The following TBC1D5 variants were observed in gnomAD, a reference collection of about 807,000 sequenced individuals.
The protein encoded by TBC1D5 is TBC1 domain family, member 5.
Under a neutral mutation model 100.3 loss-of-function variants are expected in TBC1D5, and 75 were observed. That is an observed-to-expected ratio of 0.75 (90% CI 0.62 to 0.91). The LOEUF (loss-of-function observed/expected upper bound fraction) is 0.91. Ranked by LOEUF, TBC1D5 falls within the 40% of genes least tolerant of loss-of-function variation. The pLI, the probability that TBC1D5 is intolerant of heterozygous loss-of-function variation, is 0.00. For missense variants in TBC1D5, 910 were observed against 942.4 expected (o/e 0.97, Z 0.45); for synonymous variants, 323 against 325.6 (o/e 0.99, Z 0.09).
chr3:17,591,001 A>G (rs1349626709), intron 2 of TBC1D5, among the ~76,000 whole-genome samples: 2 of 152,028 alleles, frequency 1.3e-5, no homozygotes, highest in African/African-American at 4.8e-5. Context: ...TCACTTTGGA[A>G]GGCTGAGACA....
At chr3:17,482,528 G>A (rs570747581) in intron 3 of TBC1D5, among the ~76,000 whole-genome samples, 1 of 152,208 alleles carries the variant, frequency 6.6e-6, no homozygotes, top group South Asian at 2.1e-4. Flanking sequence ...TTTCATGAAA[G>A]GAAATTCATA....
intron 3 of TBC1D5, among the ~76,000 whole-genome samples, chr3:17,450,405 G>A (rs1292622838): frequency 1.3e-5 from 2 of 152,146 alleles, no homozygotes; most frequent in Admixed American, 1.3e-4. Context: ...ACAGAAGTAG[G>A]CTTCAGAAGG....
intron 1 of TBC1D5, among the ~76,000 whole-genome samples, chr3:17,730,860 A>G (rs2076495174): frequency 6.6e-6 from 1 of 152,216 alleles, no homozygotes; most frequent in Non-Finnish European, 1.5e-5. Context: ...TGGCACTCAC[A>G]GAGCAGTCAA....
intron 8 of TBC1D5, among the ~76,000 whole-genome samples, chr3:17,389,677 C>T (rs1179531553): frequency 1.3e-5 from 2 of 152,120 alleles, no homozygotes. Flanking sequence ...CCATGTGCAA[C>T]AGAGATGAGC....
At chr3:17,237,849 T>C (rs2075981366) in intron 17 of TBC1D5, among the ~76,000 whole-genome samples, 1 of 152,198 alleles carries the variant, frequency 6.6e-6, no homozygotes. Flanking sequence ...GAAGCATTAC[T>C]ATACAAAGTT....
chr3:17,533,224 T>A (rs1278522217), intron 2 of TBC1D5, among the ~76,000 whole-genome samples: 1 of 152,184 alleles, frequency 6.6e-6, no homozygotes, highest in Non-Finnish European at 1.5e-5. Flanking sequence ...AATTAAAAGA[T>A]AAACTATTTA....
intron 4 of TBC1D5, among the ~76,000 whole-genome samples, chr3:17,423,518 G>C (rs981924524): frequency 2.6e-4 from 40 of 152,012 alleles, no homozygotes; most frequent in Admixed American, 4.6e-4. Flanking sequence ...TCAGCTTATT[G>C]GCTATGACTT....
At chr3:17,591,268 AAAAAC>A (rs2096769779) in intron 2 of TBC1D5, among the ~76,000 whole-genome samples, 3 of 106,122 alleles carry the variant, frequency 2.8e-5, no homozygotes, top group African/African-American at 9.1e-5. Flanking sequence ...AAAAAAAAAC[AAAAAC>A]CCCAGAGAAT....
At chr3:17,160,951 T>G (rs550996709) in exon 22 of TBC1D5, 1 of 1,610,008 alleles carries the variant, frequency 6.2e-7, no homozygotes, top group Admixed American at 1.7e-5. Flanking sequence ...GGGGCAGGAC[T>G]GGGCACTGTG....
chr3:17,686,519 C>CA (rs536953214), intron 1 of TBC1D5, among the ~76,000 whole-genome samples: 38 of 152,160 alleles, frequency 2.5e-4, no homozygotes, highest in Non-Finnish European at 5.0e-4. Context: ...AACAATCTTT[C>CA]AAGTTAGGTA....
intron 18 of TBC1D5, among the ~76,000 whole-genome samples, chr3:17,198,986 T>C (rs1354461383): frequency 2.0e-5 from 3 of 152,218 alleles, no homozygotes; most frequent in African/African-American, 4.8e-5. Context: ...GGAATCAGTG[T>C]GAATTGCATT....
chr3:17,377,606 C>T (rs573852792), intron 9 of TBC1D5, among the ~76,000 whole-genome samples: 45 of 151,986 alleles, frequency 3.0e-4, no homozygotes, highest in African/African-American at 1.0e-3. Flanking sequence ...AATACGAAAG[C>T]AGAGAGGAGA....
chr3:17,597,810 C>G (rs1161684175), intron 2 of TBC1D5, among the ~76,000 whole-genome samples: 3 of 152,122 alleles, frequency 2.0e-5, no homozygotes, highest in African/African-American at 7.2e-5. Flanking sequence ...AAGCTCCATG[C>G]AGAACAAAAA....
intron 13 of TBC1D5, among the ~76,000 whole-genome samples, chr3:17,332,033 A>G (rs1016308649): frequency 6.6e-5 from 10 of 152,096 alleles, no homozygotes; most frequent in Non-Finnish European, 2.9e-5. Context: ...TTATAATTCT[A>G]TTTCTATTTT....
chr3:17,194,890 G>C (rs1175732933), intron 18 of TBC1D5, among the ~76,000 whole-genome samples: 2 of 152,098 alleles, frequency 1.3e-5, no homozygotes, highest in African/African-American at 4.8e-5. Flanking sequence ...CCAGAAAACA[G>C]GATCATGTGC....
intron 3 of TBC1D5, among the ~76,000 whole-genome samples, chr3:17,500,934 T>C (rs750788551): frequency 2.7e-5 from 4 of 149,596 alleles, no homozygotes; most frequent in Non-Finnish European, 5.9e-5. Context: ...AACAGCTTAA[T>C]TTAGAGGAAC....
intron 3 of TBC1D5, among the ~76,000 whole-genome samples, chr3:17,457,730 T>TA (rs1291595136): frequency 6.6e-6 from 1 of 152,218 alleles, no homozygotes; most frequent in Non-Finnish European, 1.5e-5. Flanking sequence ...CATATGCTTT[T>TA]AACTTTTTGT....
intron 2 of TBC1D5, among the ~76,000 whole-genome samples, chr3:17,598,385 T>C (rs2060711633): frequency 6.6e-6 from 1 of 152,226 alleles, no homozygotes; most frequent in Non-Finnish European, 1.5e-5. Flanking sequence ...GAAATTATTT[T>C]GGATTAAATG....
intron 1 of TBC1D5, among the ~76,000 whole-genome samples, chr3:17,699,615 C>A (rs12632939): frequency 0.54 from 72,847 of 133,926 alleles, 20,878 homozygotes; most frequent in East Asian, 0.99. Flanking sequence ...TCATCTGATA[C>A]AGATTTATTC....
Sources: gnomAD v4.1 joint callset for allele counts (sites outside exome capture counted in the v4.1 genomes callset) on GRCh38, gnomAD v4.1.1 for gene constraint, MANE v1.5 for transcripts, NCBI Gene and HGNC (gene_info 2026-07-23, HGNC 2026-07-21) for gene names.